FAM90A20: variants seen among roughly 807,000 people sequenced by gnomAD.
The protein encoded by FAM90A20 is family with sequence similarity 90 member A20.
the FAM90A20 span, chr8:7,297,775 A>T: frequency 6.9e-7 from 1 of 1,445,778 alleles, no homozygotes; most frequent in Non-Finnish European, 9.4e-7. Flanking sequence ...CCCATCACCC[A>T]GCGGCCAGCC....
chr8:7,297,230 G>A, the FAM90A20 span: 1 of 1,513,636 alleles, frequency 6.6e-7, no homozygotes, highest in African/African-American at 2.0e-5. Flanking sequence ...TGGACCAAAG[G>A]AAAGACAGAC....
the FAM90A20 span, chr8:7,295,831 G>A: frequency 2.5e-6 from 2 of 809,490 alleles, 1 homozygote; most frequent in Non-Finnish European, 4.1e-6. Flanking sequence ...AGAGACCAAG[G>A]TGAGCAGTGG....
the FAM90A20 span, chr8:7,296,460 C>G: frequency 5.4e-5 from 38 of 698,248 alleles, 2 homozygotes; most frequent in Admixed American, 6.8e-4. Context: ...GATTTCCTTT[C>G]AGCTTCCCGT....
the FAM90A20 span, chr8:7,296,527 A>T: frequency 4.8e-6 from 3 of 629,684 alleles, no homozygotes; most frequent in Non-Finnish European, 2.9e-6. Flanking sequence ...CAGGGCCTCC[A>T]CGATCCTTGC....
chr8:7,297,556 A>T, the FAM90A20 span: 1 of 1,518,090 alleles, frequency 6.6e-7, no homozygotes, highest in Non-Finnish European at 8.9e-7. Context: ...AGAAACCGAG[A>T]CTGGGTCCCT....
chr8:7,297,270 C>T, the FAM90A20 span: 2 of 1,387,486 alleles, frequency 1.4e-6, no homozygotes, highest in Non-Finnish European at 2.0e-6. Flanking sequence ...CCTCGGCCTG[C>T]AGTCAGGCAC....
chr8:7,297,319 C>A, the FAM90A20 span: 1 of 1,362,424 alleles, frequency 7.3e-7, no homozygotes, highest in Non-Finnish European at 1.0e-6. Flanking sequence ...AGCCGACACA[C>A]AGCAGCCCTG....
chr8:7,297,369 C>G, the FAM90A20 span: 36 of 1,483,494 alleles, frequency 2.4e-5, 2 homozygotes, highest in South Asian at 7.9e-5. Context: ...GCCTCCAAAA[C>G]CCACGGCCTG....
At chr8:7,296,302 C>A in the FAM90A20 span, 1 of 737,812 alleles carries the variant, frequency 1.4e-6, no homozygotes, top group South Asian at 1.4e-5. Context: ...ACAAGACCCG[C>A]AGAGGAAGGC....
chr8:7,297,129 G>A, the FAM90A20 span: 254 of 1,514,586 alleles, frequency 1.7e-4, 36 homozygotes, highest in Middle Eastern at 9.4e-4. Flanking sequence ...GTCCTCTCTG[G>A]TCGCTCAGCT....
chr8:7,297,615 A>G, the FAM90A20 span: 20 of 1,436,320 alleles, frequency 1.4e-5, no homozygotes, highest in Non-Finnish European at 1.7e-5. Flanking sequence ...GGGGCCCCGG[A>G]GAATCTCCAA....
At chr8:7,296,225 C>T in the FAM90A20 span, 922 of 669,820 alleles carry the variant, frequency 1.4e-3, 95 homozygotes, top group Middle Eastern at 3.5e-3. Context: ...GGGCCCCAGA[C>T]GGGGTTCTCC....
the FAM90A20 span, chr8:7,297,388 C>T: frequency 3.8e-5 from 57 of 1,519,758 alleles, 4 homozygotes; most frequent in Admixed American, 8.4e-5. Context: ...TGCTCCAGGC[C>T]GTCAGAACCC....
At chr8:7,297,448 C>G in the FAM90A20 span, 3 of 1,553,156 alleles carry the variant, frequency 1.9e-6, no homozygotes, top group Non-Finnish European at 2.6e-6. Context: ...GCCCATCAGC[C>G]GCCACACACA....
chr8:7,297,282 A>G, the FAM90A20 span: 7 of 1,359,226 alleles, frequency 5.1e-6, no homozygotes, highest in South Asian at 4.7e-5. Context: ...GTCAGGCACC[A>G]GGTCCACGAG....
the FAM90A20 span, chr8:7,295,282 G>T: frequency 6.1e-6 from 1 of 164,390 alleles, no homozygotes; most frequent in Non-Finnish European, 1.0e-5. Flanking sequence ...AGGTGGGCGT[G>T]GCTTGGGACC....
At chr8:7,297,471 G>C in the FAM90A20 span, 1 of 1,544,486 alleles carries the variant, frequency 6.5e-7, no homozygotes, top group Admixed American at 1.7e-5. Context: ...TTGGGCCTAG[G>C]CTCCAATCTC....
At chr8:7,295,450 C>G in the FAM90A20 span, among the ~76,000 whole-genome samples, 1 of 104,940 alleles carries the variant, frequency 9.5e-6, no homozygotes, top group Non-Finnish European at 1.7e-5. Context: ...TCCTCCGTCA[C>G]ACGGGCTTTG....
chr8:7,296,376 G>C, the FAM90A20 span: 1 of 744,066 alleles, frequency 1.3e-6, no homozygotes, highest in Non-Finnish European at 2.4e-6. Flanking sequence ...AAGGATCCAC[G>C]GAATCTTCTG....
Sources: gnomAD v4.1 joint callset for allele counts (sites outside exome capture counted in the v4.1 genomes callset) on GRCh38, gnomAD v4.1.1 for gene constraint, MANE v1.5 for transcripts, NCBI Gene and HGNC (gene_info 2026-07-23, HGNC 2026-07-21) for gene names.